Variants in OR1J2 observed in about 807,000 individuals in gnomAD.
OR1J2 encodes the protein olfactory receptor 1J2.
For missense variants in OR1J2, 304 were observed against 246.1 expected (o/e 1.24, Z -1.57); for synonymous variants, 142 against 99.7 (o/e 1.42, Z -2.52).
upstream of OR1J2, among the ~76,000 whole-genome samples, chr9:122,506,624 G>A (rs1011925216): frequency 6.6e-6 from 1 of 152,084 alleles, no homozygotes; most frequent in African/African-American, 2.4e-5. Context: ...GATGGAATGG[G>A]TATTTTTTCC....
the OR1J2 span, among the ~76,000 whole-genome samples, chr9:122,518,492 T>G: frequency 6.6e-6 from 1 of 152,248 alleles, no homozygotes; most frequent in Admixed American, 6.5e-5. Context: ...CTCTTGTGTT[T>G]CTTCTTATAA....
upstream of OR1J2, among the ~76,000 whole-genome samples, chr9:122,506,186 A>G (rs1456075481): frequency 6.6e-6 from 1 of 152,070 alleles, no homozygotes; most frequent in Non-Finnish European, 1.5e-5. Context: ...CCTCCCTAGG[A>G]TTTATCCAAA....
At chr9:122,496,469 G>C in the OR1J2 span, among the ~76,000 whole-genome samples, 1 of 152,120 alleles carries the variant, frequency 6.6e-6, no homozygotes, top group Non-Finnish European at 1.5e-5. Flanking sequence ...GATTATGGCT[G>C]CTTCTGCTAT....
the OR1J2 span, among the ~76,000 whole-genome samples, chr9:122,458,512 T>C: frequency 6.6e-6 from 1 of 152,200 alleles, no homozygotes; most frequent in African/African-American, 2.4e-5. Context: ...GGCTTCACAA[T>C]CGTGGTGGAA....
the OR1J2 span, among the ~76,000 whole-genome samples, chr9:122,550,845 G>A: frequency 0.3 from 45,677 of 150,882 alleles, 7,425 homozygotes; most frequent in East Asian, 0.54. Context: ...AGAGAAAGAC[G>A]AAGATGACCA....
chr9:122,538,108 C>T, the OR1J2 span, among the ~76,000 whole-genome samples: 8 of 152,082 alleles, frequency 5.3e-5, no homozygotes, highest in Admixed American at 2.0e-4. Flanking sequence ...CTTATCTGTG[C>T]AGCTGTGGGC....
At chr9:122,496,076 C>T in the OR1J2 span, among the ~76,000 whole-genome samples, 1 of 152,108 alleles carries the variant, frequency 6.6e-6, no homozygotes. Flanking sequence ...AGCACCTGCT[C>T]TGGTGGAGGT....
chr9:122,447,743 C>T, the OR1J2 span, among the ~76,000 whole-genome samples: 2 of 151,880 alleles, frequency 1.3e-5, no homozygotes, highest in Admixed American at 6.6e-5. Context: ...CCTTTCCTTT[C>T]TTCCTTCCTT....
At chr9:122,470,262 T>C in the OR1J2 span, among the ~76,000 whole-genome samples, 1 of 152,196 alleles carries the variant, frequency 6.6e-6, no homozygotes, top group African/African-American at 2.4e-5. Flanking sequence ...CTTGGTGCCC[T>C]GTGTCCCAGC....
At chr9:122,568,229 C>G in the OR1J2 span, 1 of 1,614,142 alleles carries the variant, frequency 6.2e-7, no homozygotes, top group Non-Finnish European at 8.5e-7. Flanking sequence ...GGAAGTTCAT[C>G]AGCATCTTGG....
At chr9:122,519,750 C>T in the OR1J2 span, 7 of 1,614,160 alleles carry the variant, frequency 4.3e-6, no homozygotes, top group Non-Finnish European at 5.9e-6. Flanking sequence ...CACAGTGGGA[C>T]AGGCAGTCAT....
At chr9:122,484,534 G>T in the OR1J2 span, among the ~76,000 whole-genome samples, 3 of 152,186 alleles carry the variant, frequency 2.0e-5, no homozygotes, top group East Asian at 5.8e-4. Context: ...TATCCTATTG[G>T]CCTATGGTAA....
chr9:122,463,812 C>T, the OR1J2 span, among the ~76,000 whole-genome samples: 1 of 152,166 alleles, frequency 6.6e-6, no homozygotes, highest in Non-Finnish European at 1.5e-5. Context: ...TAACCAGCAC[C>T]TGCTCCAATG....
the OR1J2 span, among the ~76,000 whole-genome samples, chr9:122,562,644 G>A: frequency 6.6e-6 from 1 of 152,126 alleles, no homozygotes; most frequent in African/African-American, 2.4e-5. Flanking sequence ...CATACCAACT[G>A]CCTAGTCAGT....
chr9:122,476,870 T>A, the OR1J2 span: 1 of 628,988 alleles, frequency 1.6e-6, no homozygotes, highest in Non-Finnish European at 2.8e-6. Flanking sequence ...CATGCCCGGC[T>A]AATTTTTTTG....
the OR1J2 span, among the ~76,000 whole-genome samples, chr9:122,574,581 AT>A: frequency 2.9e-3 from 435 of 152,044 alleles, no homozygotes; most frequent in African/African-American, 0.01. Context: ...AGTTCCAGGA[AT>A]TTTTTTGTCA....
chr9:122,513,119 C>G (rs999021980), downstream of OR1J2, among the ~76,000 whole-genome samples: 4 of 152,120 alleles, frequency 2.6e-5, no homozygotes, highest in African/African-American at 9.7e-5. Context: ...TTTGACATAT[C>G]CCATAAAATA....
At chr9:122,547,617 T>TTC in the OR1J2 span, among the ~76,000 whole-genome samples, 1 of 126,762 alleles carries the variant, frequency 7.9e-6, no homozygotes, top group Admixed American at 7.9e-5. Context: ...TGAGTAGTAG[T>TTC]TCAGTGTGTG....
the OR1J2 span, among the ~76,000 whole-genome samples, chr9:122,471,594 A>G: frequency 1.3e-5 from 2 of 152,234 alleles, no homozygotes; most frequent in Non-Finnish European, 2.9e-5. Flanking sequence ...CGTAAGAATT[A>G]TTAGATGCTA....
Sources: allele counts gnomAD v4.1 joint callset (sites outside exome capture counted in the v4.1 genomes callset), GRCh38; gene constraint gnomAD v4.1.1; transcripts MANE v1.5; gene names NCBI Gene and HGNC (gene_info 2026-07-23, HGNC 2026-07-21).